TOP3A: variants seen among roughly 807,000 people sequenced by gnomAD.
TOP3A encodes DNA topoisomerase III alpha, also known as DNA topoisomerase 3-alpha.
Under a neutral mutation model 111.3 loss-of-function variants are expected in TOP3A, and 64 were observed. The ratio of observed to expected loss-of-function variants is 0.57; its 90% CI spans 0.47 to 0.71. The LOEUF (loss-of-function observed/expected upper bound fraction) is 0.71. Among genes scored for constraint, TOP3A ranks in the 30% least tolerant of loss-of-function variants. The pLI is 0.00. For synonymous variants in TOP3A, 484 were observed against 485.1 expected (o/e 1.00, Z 0.03); for missense variants, 1,104 against 1,285.0 (o/e 0.86, Z 2.15).
intron 9 of TOP3A, among the ~76,000 whole-genome samples, chr17:18,297,474 T>C (rs1257667560): frequency 6.6e-6 from 1 of 151,680 alleles, no homozygotes; most frequent in African/African-American, 2.4e-5. Context: ...CGTCTCCCTC[T>C]CTCCACGGTC....
chr17:18,307,558 AC>A (rs1348979583), intron 3 of TOP3A: 3 of 152,164 alleles, frequency 2.0e-5, no homozygotes, highest in Admixed American at 6.6e-5. Context: ...AGATTGTGCC[AC>A]TGCACTCCAG....
chr17:18,309,961 C>T (rs960872788), intron 1 of TOP3A, among the ~76,000 whole-genome samples: 8 of 151,536 alleles, frequency 5.3e-5, no homozygotes, highest in Admixed American at 2.0e-4. Context: ...CCACCTGCCT[C>T]GGCCTCCCAA....
chr17:18,282,266 A>G (rs1979807160), intron 16 of TOP3A, among the ~76,000 whole-genome samples: 1 of 152,126 alleles, frequency 6.6e-6, no homozygotes. Flanking sequence ...CCAAATCCTC[A>G]CCCTTAACAC....
chr17:18,301,977 C>A lies in TOP3A; in HGVS notation c.823G>T (p.Asp275Tyr). Residue 275 changes from aspartate (D) to tyrosine (Y), a missense_variant, in exon 8 of 19, where the codon GAC becomes TAC. Coordinates refer to ENST00000321105, the MANE Select transcript of TOP3A (RefSeq NM_004618.5). The part of the protein sequence containing the change: ...EIFHRIKVTH[D>Y]HKDGIVEFNW... ...AATTCTACGATACCATCTTTGTGGT[C>A]ATGAGTTACTATATTAAGGAGAGAC... 6.2e-7 allele frequency: 1 copy of A among 1,613,844 alleles called. No homozygotes were observed. Among genetic ancestry groups the A allele is most frequent in the South Asian group, 1.1e-5 (1 of 90,996 alleles).
intron 1 of TOP3A, among the ~76,000 whole-genome samples, chr17:18,310,809 G>T (rs1282379418): frequency 2.6e-5 from 4 of 152,108 alleles, no homozygotes; most frequent in African/African-American, 9.7e-5. Context: ...GGCTCTCTAA[G>T]ATTCTTATGA....
intron 18 of TOP3A, 92 bp from the exon 19 acceptor site, chr17:18,275,072 AC>A: frequency 6.7e-7 from 1 of 1,503,226 alleles, no homozygotes; most frequent in Non-Finnish European, 8.9e-7. Flanking sequence ...TAATCCCAGC[AC>A]TTTAGGAAGC....
chr17:18,277,699 A>C lies in TOP3A; in HGVS notation c.2803T>G (p.Trp935Gly). Residue 935 changes from tryptophan (W) to glycine (G), a missense_variant, in exon 18 of 19, where the codon TGG (tryptophan) becomes GGG (glycine). Transcript: ENST00000321105. Reference sequence around the variant, plus strand: ...CCTGGAGCGGTGTTCTCATCGACCCACTGGAAAAAGCCACACTGCTGCTCT... The same window carrying C: ...CCTGGAGCGGTGTTCTCATCGACCCCCTGGAAAAAGCCACACTGCTGCTCT... ...PREQQCGFFQ[W>G]VDENTAPGTS... 2 of 1,610,722 alleles carry C rather than the reference A, an allele frequency of 1.2e-6. No homozygotes were observed. Among genetic ancestry groups the C allele is most frequent in the South Asian group, 1.1e-5 (1 of 91,048 alleles).
intron 1 of TOP3A, 122 bp downstream of exon 1, chr17:18,314,477 G>A (rs1321352269): frequency 6.2e-6 from 7 of 1,131,566 alleles, no homozygotes; most frequent in Middle Eastern, 2.9e-4. Flanking sequence ...TCCAGACGAG[G>A]GGCAGTGAGG....
chr17:18,306,635 G>A, intron 4 of TOP3A: 1 of 355,686 alleles, frequency 2.8e-6, no homozygotes, highest in East Asian at 5.4e-5. Flanking sequence ...CAAATTGCTG[G>A]GATTACAGGC....
intron 17 of TOP3A, among the ~76,000 whole-genome samples, chr17:18,279,843 C>G (rs1979643895): frequency 6.6e-6 from 1 of 152,190 alleles, no homozygotes; most frequent in Admixed American, 6.5e-5. Flanking sequence ...TATGTCACCA[C>G]ATCTGGCTAA....
chr17:18,296,067 G>A (rs370213022), intron 9 of TOP3A, among the ~76,000 whole-genome samples: 4 of 152,024 alleles, frequency 2.6e-5, no homozygotes, highest in East Asian at 1.9e-4. Flanking sequence ...CGCCCGGCCC[G>A]AAATCTACAT....
chr17:18,296,531 G>C (rs1980817931), intron 9 of TOP3A, among the ~76,000 whole-genome samples: 1 of 152,092 alleles, frequency 6.6e-6, no homozygotes, highest in South Asian at 2.1e-4. Context: ...AGTGAACCAA[G>C]ATCACGCCAC....
intron 18 of TOP3A, among the ~76,000 whole-genome samples, chr17:18,276,773 C>CA (rs1347771120): frequency 1.3e-5 from 2 of 152,218 alleles, no homozygotes; most frequent in Non-Finnish European, 2.9e-5. Flanking sequence ...GTACACCATT[C>CA]AACTTGATGC....
intron 9 of TOP3A, among the ~76,000 whole-genome samples, chr17:18,298,046 T>G (rs1470900723): frequency 7.0e-6 from 1 of 143,460 alleles, no homozygotes; most frequent in Non-Finnish European, 1.5e-5. Flanking sequence ...GCCCATCGTC[T>G]GAGATGTGGG....
At chr17:18,304,043 C>A (rs1167448940) in intron 5 of TOP3A, among the ~76,000 whole-genome samples, 1 of 152,146 alleles carries the variant, frequency 6.6e-6, no homozygotes, top group Non-Finnish European at 1.5e-5. Context: ...CGGCTCACTG[C>A]AACCTCTGCT....
At chr17:18,314,455 C>A in intron 1 of TOP3A, 144 bp downstream of exon 1, 1 of 833,894 alleles carries the variant, frequency 1.2e-6, no homozygotes, top group Non-Finnish European at 1.8e-6. Flanking sequence ...AGACAGGAGG[C>A]CACTGCAATA....
intron 18 of TOP3A, among the ~76,000 whole-genome samples, chr17:18,275,344 C>CT (rs71155327): frequency 0.1 from 7,790 of 77,138 alleles, 586 homozygotes; most frequent in East Asian, 0.15. Flanking sequence ...GCTGAACCAA[C>CT]TTTTTTTTTT....
At chr17:18,294,314 T>C (rs1221258330) in intron 10 of TOP3A, among the ~76,000 whole-genome samples, 2 of 152,004 alleles carry the variant, frequency 1.3e-5, no homozygotes, top group Non-Finnish European at 1.5e-5. Flanking sequence ...CATAAACTCT[T>C]ATTTCTTTAT....
At chr17:18,302,068 G>T in intron 7 of TOP3A, 83 bp from the exon 8 acceptor site, 3 of 1,456,404 alleles carry the variant, frequency 2.1e-6, no homozygotes, top group Non-Finnish European at 2.8e-6. Context: ...TTATTGTGGT[G>T]AAAGTCAAAC....
Sources: allele counts gnomAD v4.1 joint callset (sites outside exome capture counted in the v4.1 genomes callset), GRCh38; gene constraint gnomAD v4.1.1; transcripts MANE v1.5; gene names NCBI Gene and HGNC (gene_info 2026-07-23, HGNC 2026-07-21).